IL1RAPL2: variants seen among roughly 807,000 people sequenced by gnomAD.
IL1RAPL2 encodes interleukin 1 receptor accessory protein like 2, also known as X-linked interleukin-1 receptor accessory protein-like 2.
Under a neutral mutation model 44.1 loss-of-function variants are expected in IL1RAPL2, and 3 were observed. The ratio of observed to expected loss-of-function variants is 0.07; its 90% CI spans 0.03 to 0.18. The LOEUF is 0.18. Ranked by LOEUF, IL1RAPL2 falls within the 10% of genes least tolerant of loss-of-function variation. IL1RAPL2 has a pLI of 1.00. For synonymous variants in IL1RAPL2, 181 were observed against 178.8 expected (o/e 1.01, Z -0.10); for missense variants, 391 against 496.4 (o/e 0.79, Z 2.02).
intron 7 of IL1RAPL2, among the ~76,000 whole-genome samples, chrX:105,723,974 G>A (rs1046610034): frequency 9.0e-6 from 1 of 111,372 alleles, no homozygotes; most frequent in Non-Finnish European, 1.9e-5. Flanking sequence ...CATAGCTCTT[G>A]TGTTGTGCAC....
chrX:104,910,254 G>C (rs955895617), intron 2 of IL1RAPL2, among the ~76,000 whole-genome samples: 1 of 111,796 alleles, frequency 8.9e-6, no homozygotes, highest in African/African-American at 3.3e-5. Context: ...CCCACTGTCT[G>C]GCACTCTCTT....
intron 7 of IL1RAPL2, among the ~76,000 whole-genome samples, chrX:105,738,038 A>T (rs1401899246): frequency 9.0e-6 from 1 of 111,631 alleles, no homozygotes; most frequent in Non-Finnish European, 1.9e-5. Flanking sequence ...TTAGTATGAG[A>T]GACTCAGATT....
At chrX:105,345,709 G>A (rs2035105888) in intron 5 of IL1RAPL2, among the ~76,000 whole-genome samples, 1 of 111,365 alleles carries the variant, frequency 9.0e-6, no homozygotes, top group Non-Finnish European at 1.9e-5. Flanking sequence ...TCCTCCAGAT[G>A]TTACCATCTT....
rs762105011 is a variant in IL1RAPL2 at position 104,828,430 on chromosome X, C to G, written c.82+169435C>G. Among the ~76,000 whole-genome samples, 6 of 111,966 alleles carry G rather than the reference C, an allele frequency of 5.4e-5. No individual in the cohort carries two copies. In the South Asian group the frequency reaches 2.3e-3, roughly 42 times the overall value. The stretch of plus-strand genomic sequence containing the variant: ...AGTTTGCTGGGGGTCCACTCCAGAC[C>G]CTGTTTGCCTGGATATCACCAGCGG... On this transcript the variant is annotated intron_variant, in intron 2 of 10. Coordinates refer to ENST00000372582, the MANE Select transcript of IL1RAPL2 (RefSeq NM_017416.2).
intron 2 of IL1RAPL2, among the ~76,000 whole-genome samples, chrX:104,848,536 A>G (rs1424874834): frequency 4.8e-5 from 5 of 103,837 alleles, no homozygotes; most frequent in Non-Finnish European, 9.7e-5. Flanking sequence ...AAATAACCTG[A>G]ATTTAGACAA....
chrX:105,220,376 G>C (rs782662637), intron 3 of IL1RAPL2: 17 of 1,188,667 alleles, frequency 1.4e-5, no homozygotes, highest in Non-Finnish European at 1.9e-5. Context: ...CCGCTACTGG[G>C]GTCCTCAGGT....
intron 2 of IL1RAPL2, among the ~76,000 whole-genome samples, chrX:104,890,935 T>C (rs1307452569): frequency 8.9e-6 from 1 of 112,180 alleles, no homozygotes; most frequent in Non-Finnish European, 1.9e-5. Flanking sequence ...GTTTTAGGTC[T>C]AACATTTAAT....
At chrX:104,743,732 C>T (rs1304753964) in intron 2 of IL1RAPL2, among the ~76,000 whole-genome samples, 1 of 111,112 alleles carries the variant, frequency 9.0e-6, no homozygotes, top group African/African-American at 3.3e-5. Context: ...TATGCATAGT[C>T]TTTCATATAC....
rs762409498 is a variant in IL1RAPL2, at chrX:105,420,414, A to G, written c.698-63899A>G. On this transcript the variant is annotated intron_variant, in intron 5 of 10. Coordinates refer to ENST00000372582, the MANE Select transcript of IL1RAPL2 (RefSeq NM_017416.2). ...TGTTGGACAATTCTAGTTCAGAGAA[A>G]GTTTTTATGTATTAACCCCAAATCC... Among the ~76,000 whole-genome samples, 3 of 111,593 alleles carry G rather than the reference A, an allele frequency of 2.7e-5. No individual in the cohort carries two copies. The South Asian group carries it at 1.1e-3, about 42-fold the overall frequency.
At chrX:105,061,061 A>T (rs2032070370) in intron 2 of IL1RAPL2, among the ~76,000 whole-genome samples, 1 of 109,039 alleles carries the variant, frequency 9.2e-6, no homozygotes, top group South Asian at 3.9e-4. Context: ...GATCTTTATT[A>T]TTTCTTTTCT....
At chrX:105,028,367 T>C (rs769384501) in intron 2 of IL1RAPL2, among the ~76,000 whole-genome samples, 1 of 111,954 alleles carries the variant, frequency 8.9e-6, no homozygotes, top group Admixed American at 9.5e-5. Context: ...AGATTAATGC[T>C]TGATGGGATA....
chrX:105,389,068 G>A (rs1210863196), intron 5 of IL1RAPL2, among the ~76,000 whole-genome samples: 6 of 111,849 alleles, frequency 5.4e-5, no homozygotes, highest in African/African-American at 1.6e-4. Flanking sequence ...TTTTGTAGAA[G>A]ATTATTTTGT....
intron 1 of IL1RAPL2, among the ~76,000 whole-genome samples, chrX:104,627,485 TAATAA>T (rs1243861560): frequency 3.2e-5 from 2 of 62,860 alleles, no homozygotes; most frequent in Non-Finnish European, 5.4e-5. Flanking sequence ...AGTATAATAA[TAATAA>T]AATAAATCAA....
At chrX:105,678,495 C>T (rs1804640259) in intron 6 of IL1RAPL2, among the ~76,000 whole-genome samples, 1 of 108,874 alleles carries the variant, frequency 9.2e-6, no homozygotes, top group South Asian at 4.0e-4. Context: ...TCCCCCCCAA[C>T]CCTCATTACC....
At chrX:105,469,273 G>A (rs2036150596) in intron 5 of IL1RAPL2, among the ~76,000 whole-genome samples, 1 of 110,892 alleles carries the variant, frequency 9.0e-6, no homozygotes, top group South Asian at 3.8e-4. Context: ...GTGGGCAATT[G>A]AGGAAACTAA....
chrX:105,233,018 G>T (rs970657223), intron 3 of IL1RAPL2, among the ~76,000 whole-genome samples: 2 of 112,186 alleles, frequency 1.8e-5, no homozygotes, highest in African/African-American at 3.2e-5. Context: ...GCCAGGCGCC[G>T]TGGCTCATGC....
intron 2 of IL1RAPL2, among the ~76,000 whole-genome samples, chrX:104,857,495 G>A (rs1282529688): frequency 1.8e-5 from 2 of 111,786 alleles, no homozygotes; most frequent in Non-Finnish European, 3.8e-5. Flanking sequence ...AAAAGAACAT[G>A]CAATCCCTGG....
intron 2 of IL1RAPL2, among the ~76,000 whole-genome samples, chrX:105,076,772 G>T (rs1231560068): frequency 3.6e-5 from 4 of 111,561 alleles, no homozygotes; most frequent in Non-Finnish European, 5.6e-5. Flanking sequence ...TCTTCTTGTT[G>T]AATTGATCCC....
intron 2 of IL1RAPL2, among the ~76,000 whole-genome samples, chrX:104,802,344 C>CA (rs11324829): frequency 1.8e-4 from 12 of 65,263 alleles, no homozygotes; most frequent in Admixed American, 7.3e-4. Flanking sequence ...GACTACATTT[C>CA]AAAAAAAAAA....
Sources: gnomAD v4.1 joint callset for allele counts (sites outside exome capture counted in the v4.1 genomes callset) on GRCh38, gnomAD v4.1.1 for gene constraint, MANE v1.5 for transcripts, NCBI Gene and HGNC (gene_info 2026-07-23, HGNC 2026-07-21) for gene names.